The following NALCN variants were observed in gnomAD, a reference collection of about 807,000 sequenced individuals.
NALCN encodes the protein sodium leak channel NALCN.
A neutral mutation model predicts 225.3 loss-of-function variants in NALCN; 111 were observed. The ratio of observed to expected loss-of-function variants is 0.49; its 90% CI spans 0.42 to 0.58. The LOEUF (loss-of-function observed/expected upper bound fraction) is 0.58. NALCN is among the 20% of genes least tolerant of loss of function. The pLI, the probability that NALCN is intolerant of heterozygous loss-of-function variation, is 0.00. For synonymous variants in NALCN, 764 were observed against 769.0 expected, an observed-to-expected ratio of 0.99 and a Z score of 0.11; for missense variants, 1,378 against 2,202.4, an observed-to-expected ratio of 0.63 and a Z score of 7.49.
intron 3 of NALCN, among the ~76,000 whole-genome samples, chr13:101,388,377 C>A (rs1287119052): frequency 2.0e-5 from 3 of 151,764 alleles, no homozygotes; most frequent in African/African-American, 7.3e-5. Context: ...AACCAGAAAA[C>A]CTTATTTGAT....
At chr13:101,090,918 C>T (rs917747844) in intron 28 of NALCN, among the ~76,000 whole-genome samples, 15 of 152,120 alleles carry the variant, frequency 9.9e-5, no homozygotes, top group African/African-American at 3.1e-4. Context: ...AACTTTATGT[C>T]GAGGTGTACC....
At chr13:101,393,140 T>C (rs1272138765) in intron 3 of NALCN, among the ~76,000 whole-genome samples, 2 of 152,212 alleles carry the variant, frequency 1.3e-5, no homozygotes, top group African/African-American at 4.8e-5. Flanking sequence ...CTGATACTTC[T>C]AACACACACA....
Position 101,083,146 on chromosome 13 carries a change from A to C in NALCN, c.3636T>G (p.Phe1212Leu). The C allele has an allele frequency of 6.2e-7, 1 of 1,614,136 alleles. No individual in the cohort carries two copies. The highest frequency in any genetic ancestry group is 1.3e-5 in the African/African-American group (1 of 75,054). The change falls in exon 32 of 44, where the codon TTT becomes TTG. Residue 1212 changes from phenylalanine (F) to leucine (L), a missense_variant. By Grantham distance (22) the Phe-to-Leu change is conservative. Transcript: ENST00000251127. Reference sequence around the variant, plus strand: ...GGACGAGTAATGCGATTGTCCTCTTAAAAAATGGATGCTGGGTTATGTCAT... The same window carrying C: ...GGACGAGTAATGCGATTGTCCTCTTCAAAAATGGATGCTGGGTTATGTCAT... Reference protein sequence around the residue: ...KMYDITQHPFFKRTIALLVLA... With the variant: ...KMYDITQHPFLKRTIALLVLA...
chr13:101,348,699 AG>A (rs1459727700), intron 6 of NALCN, among the ~76,000 whole-genome samples: 1 of 152,052 alleles, frequency 6.6e-6, no homozygotes, highest in Non-Finnish European at 1.5e-5. Flanking sequence ...ACTCATTTTA[AG>A]CACAACTCTC....
chr13:101,089,831 G>T lies in NALCN; in HGVS notation c.3390+15C>A. 6.2e-7 allele frequency: 1 copy of T among 1,613,964 alleles called. No individual in the cohort carries two copies. The highest frequency in any genetic ancestry group is 8.5e-7 in the Non-Finnish European group (1 of 1,179,896). ...TGCTCTTGAAGTGTTCAAAGGATTC[G>T]ATGTGCTCGCTTACCGGCCCCACAC... On this transcript the variant is annotated intron_variant, in intron 29 of 43. Coordinates refer to ENST00000251127, the MANE Select transcript of NALCN (RefSeq NM_052867.4). The surrounding 1 kb of genome is among the most constrained non-coding windows in gnomAD (Gnocchi z 4.7).
Position 101,054,208 on chromosome 13 carries a change from C to T in NALCN, c.*1087G>A, listed in dbSNP as rs1474947043. The T allele has an allele frequency of 6.6e-6, 1 of 152,008 alleles. No individual in the cohort carries two copies. Among genetic ancestry groups the T allele is most frequent in the Non-Finnish European group, 1.5e-5 (1 of 68,014 alleles). The allele number at this position is 152,008 out of a possible 1,614,324, so 9.4% of individuals were successfully genotyped here. ...TTTCCCGGAGGACATGGGCCATTGA[C>T]ATATAAGGAAAAAAAACAAAAACAA... On this transcript the variant is annotated 3_prime_UTR_variant, in exon 44 of 44. Coordinates refer to ENST00000251127, the MANE Select transcript of NALCN (RefSeq NM_052867.4).
intron 13 of NALCN, among the ~76,000 whole-genome samples, chr13:101,197,430 C>T (rs2039938185): frequency 6.6e-6 from 1 of 152,068 alleles, no homozygotes; most frequent in South Asian, 2.1e-4. Context: ...TTTCTCAGGT[C>T]ATTTTATTCA....
intron 10 of NALCN, among the ~76,000 whole-genome samples, chr13:101,272,430 C>A (rs1272641842): frequency 6.6e-6 from 1 of 151,984 alleles, no homozygotes; most frequent in African/African-American, 2.4e-5. Context: ...ACGTATAATT[C>A]AGAAAATTTT....
intron 17 of NALCN, chr13:101,142,746 C>A (rs886895000): frequency 3.1e-6 from 1 of 318,646 alleles, no homozygotes; most frequent in Admixed American, 4.4e-5. Context: ...GTTGTACTTG[C>A]AGGAGATGGC....
At chr13:101,151,490 T>G (rs1207645901) in intron 15 of NALCN, among the ~76,000 whole-genome samples, 6 of 152,192 alleles carry the variant, frequency 3.9e-5, no homozygotes, top group Non-Finnish European at 8.8e-5. Context: ...TTGAAAACTG[T>G]GCATAGATTT....
At chr13:101,201,132 T>C (rs1039028774) in intron 13 of NALCN, among the ~76,000 whole-genome samples, 1 of 152,158 alleles carries the variant, frequency 6.6e-6, no homozygotes, top group Non-Finnish European at 1.5e-5. Flanking sequence ...ACTAAGGAAC[T>C]ATGGAAGGGG....
At chr13:101,091,646 A>C (rs1293974649) in intron 28 of NALCN, among the ~76,000 whole-genome samples, 1 of 152,298 alleles carries the variant, frequency 6.6e-6, no homozygotes. Context: ...GTTTCCACTA[A>C]ATTTCATATA....
intron 6 of NALCN, among the ~76,000 whole-genome samples, chr13:101,364,240 AAATCTATATATTT>A (rs1343458836): frequency 6.6e-6 from 1 of 152,098 alleles, no homozygotes; most frequent in Non-Finnish European, 1.5e-5. Flanking sequence ...AAAAGGGAGG[AAATCTATATATTT>A]AAGAGATAGC....
chr13:101,121,122 T>G (rs1437605019), intron 18 of NALCN, among the ~76,000 whole-genome samples: 3 of 152,076 alleles, frequency 2.0e-5, no homozygotes. Context: ...ATTAGTGAGG[T>G]GTTCAATGTT....
chr13:101,101,425 C>T (rs2034816634), intron 26 of NALCN, among the ~76,000 whole-genome samples: 1 of 151,710 alleles, frequency 6.6e-6, no homozygotes, highest in African/African-American at 2.4e-5. Context: ...GGACTACAGG[C>T]ACACGCCACC....
chr13:101,361,569 AG>A (rs1396914807), intron 6 of NALCN, among the ~76,000 whole-genome samples: 2 of 152,212 alleles, frequency 1.3e-5, no homozygotes, highest in African/African-American at 4.8e-5. Flanking sequence ...CATAGAAAGC[AG>A]TGTGAGGGAG....
chr13:101,417,165 G>A (rs922799373), upstream of NALCN, among the ~76,000 whole-genome samples: 2 of 152,164 alleles, frequency 1.3e-5, no homozygotes, highest in Non-Finnish European at 2.9e-5. Flanking sequence ...CAGCAGAGCA[G>A]GTTTAGGGAA....
intron 13 of NALCN, among the ~76,000 whole-genome samples, chr13:101,201,252 A>C (rs934032285): frequency 6.6e-6 from 1 of 152,212 alleles, no homozygotes; most frequent in Non-Finnish European, 1.5e-5. Context: ...TAGTTTATTC[A>C]CATGGTTGTG....
chr13:101,095,814 T>C, intron 27 of NALCN, 134 bp from the exon 28 acceptor site: 2 of 683,114 alleles, frequency 2.9e-6, no homozygotes, highest in Non-Finnish European at 4.9e-6. Context: ...TGTGGACAGC[T>C]ACCCAGCAAA....
Sources: allele counts gnomAD v4.1 joint callset (sites outside exome capture counted in the v4.1 genomes callset), GRCh38; gene constraint gnomAD v4.1.1; non-coding constraint Gnocchi (gnomAD v3.1); transcripts MANE v1.5; gene names NCBI Gene and HGNC (gene_info 2026-07-23, HGNC 2026-07-21).